RNF150: variants seen among roughly 807,000 people sequenced by gnomAD.
The protein encoded by RNF150 is ring finger protein 150.
In RNF150, 24 loss-of-function variants were observed where a neutral mutation model predicts 39.3. That is an observed-to-expected ratio of 0.61 (90% CI 0.44 to 0.86). The LOEUF (loss-of-function observed/expected upper bound fraction) is 0.86. RNF150 is among the 40% of genes least tolerant of loss of function. The pLI, the probability that RNF150 is intolerant of heterozygous loss-of-function variation, is 0.00. For synonymous variants in RNF150, 255 were observed against 227.3 expected (o/e 1.12, Z -1.10); for missense variants, 502 against 587.8 (o/e 0.85, Z 1.51).
chr4:140,911,289 G>T lies in RNF150; in HGVS notation c.1053C>A (p.Thr351=). ...TGTCGCTGGCACCTGTGATCTGGTT[G>T]GTGGGTGGACCTCCCAGAGAGCCCT... is the stretch of plus-strand genomic sequence containing the variant. ...DFEGSLGGPP[T]NQITGASDTT... The change falls in exon 6 of 7, where the codon ACC becomes ACA. Residue 351 remains threonine (T), a synonymous_variant. Coordinates refer to ENST00000515673, the MANE Select transcript of RNF150 (RefSeq NM_020724.2). The T allele has an allele frequency of 6.2e-7, 1 of 1,614,118 alleles. No homozygotes were observed. The highest frequency in any genetic ancestry group is 8.5e-7 in the Non-Finnish European group (1 of 1,180,014).
intron 1 of RNF150, among the ~76,000 whole-genome samples, chr4:141,050,902 G>A (rs965710654): frequency 3.3e-5 from 5 of 152,142 alleles, no homozygotes; most frequent in African/African-American, 1.2e-4. Context: ...CTCTGTGTGG[G>A]GGCTCCAACC....
At chr4:141,007,295 C>G (rs1734903234) in intron 1 of RNF150, among the ~76,000 whole-genome samples, 1 of 152,174 alleles carries the variant, frequency 6.6e-6, no homozygotes, top group African/African-American at 2.4e-5. Flanking sequence ...TAAGGAATCT[C>G]TGAAAATACT....
intron 1 of RNF150, among the ~76,000 whole-genome samples, chr4:141,189,291 C>T (rs1000290697): frequency 1.3e-5 from 2 of 152,172 alleles, no homozygotes; most frequent in Non-Finnish European, 2.9e-5. Context: ...GAGGGGCACC[C>T]TCCAGAAGCC....
chr4:141,087,374 A>C (rs1738406768), intron 1 of RNF150, among the ~76,000 whole-genome samples: 1 of 152,176 alleles, frequency 6.6e-6, no homozygotes, highest in African/African-American at 2.4e-5. Context: ...TTCCATGTGC[A>C]TATTTTTCTA....
intron 4 of RNF150, among the ~76,000 whole-genome samples, chr4:140,942,042 G>T (rs1472177642): frequency 6.6e-6 from 1 of 152,178 alleles, no homozygotes; most frequent in Non-Finnish European, 1.5e-5. Context: ...CATGTTGGAG[G>T]TTGAGACGTT....
At chr4:141,166,209 A>G (rs928998174) in intron 1 of RNF150, among the ~76,000 whole-genome samples, 1 of 152,212 alleles carries the variant, frequency 6.6e-6, no homozygotes, top group Non-Finnish European at 1.5e-5. Flanking sequence ...GAAGAAATGG[A>G]TAAATTCCTG....
chr4:141,158,109 G>T (rs112819939), intron 1 of RNF150, among the ~76,000 whole-genome samples: 73 of 152,284 alleles, frequency 4.8e-4, no homozygotes, highest in Non-Finnish European at 9.0e-4. Context: ...TGACCAGCAT[G>T]GTGAAACCCC....
At chr4:141,190,634 C>T (rs929413624) in intron 1 of RNF150, among the ~76,000 whole-genome samples, 2 of 152,140 alleles carry the variant, frequency 1.3e-5, no homozygotes, top group African/African-American at 4.8e-5. Context: ...CTCAGTGAAG[C>T]TATGTCTAGG....
At chr4:141,135,376 C>T (rs1727013352), upstream of RNF150, among the ~76,000 whole-genome samples, 2 of 152,196 alleles carry the variant, frequency 1.3e-5, no homozygotes, top group Admixed American at 1.3e-4. Flanking sequence ...AGGGCTGACA[C>T]TGGGAAAGTA....
intron 4 of RNF150, among the ~76,000 whole-genome samples, chr4:140,944,156 G>C (rs1178362148): frequency 6.6e-6 from 1 of 152,156 alleles, no homozygotes; most frequent in Non-Finnish European, 1.5e-5. Flanking sequence ...CTCCGTGCAA[G>C]AGAAGATAAT....
chr4:141,183,425 A>G (rs911224298), intron 1 of RNF150, among the ~76,000 whole-genome samples: 1 of 152,158 alleles, frequency 6.6e-6, no homozygotes, highest in Admixed American at 6.5e-5. Flanking sequence ...TTATTTATGT[A>G]ATTAGGTTAC....
intron 1 of RNF150, among the ~76,000 whole-genome samples, chr4:140,976,269 C>A (rs1016314822): frequency 1.3e-5 from 2 of 152,114 alleles, no homozygotes; most frequent in South Asian, 4.2e-4. Flanking sequence ...TCAAAAGCCA[C>A]TCATCTTTTG....
chr4:140,997,640 G>A (rs1024463641), intron 1 of RNF150, among the ~76,000 whole-genome samples: 24 of 134,180 alleles, frequency 1.8e-4, no homozygotes, highest in Non-Finnish European at 2.5e-4. Context: ...GCTTGAACTC[G>A]GAAGGTGGAG....
chr4:141,008,408 C>T (rs12643749), intron 1 of RNF150, among the ~76,000 whole-genome samples: 21,623 of 152,100 alleles, frequency 0.14, 1,810 homozygotes, highest in East Asian at 0.35. Flanking sequence ...TTTGAATGAA[C>T]ATTTTCAATT....
intron 1 of RNF150, among the ~76,000 whole-genome samples, chr4:141,099,646 T>G (rs1738934111): frequency 6.6e-6 from 1 of 152,180 alleles, no homozygotes; most frequent in Admixed American, 6.5e-5. Flanking sequence ...TTATTTTGAC[T>G]TTTGAGGCAA....
intron 1 of RNF150, among the ~76,000 whole-genome samples, chr4:141,194,502 C>T (rs1728166190): frequency 6.6e-6 from 1 of 152,052 alleles, no homozygotes; most frequent in African/African-American, 2.4e-5. Context: ...ATAATGTCAA[C>T]TTTTAGCATA....
chr4:141,146,160 T>C (rs1219753220), intron 1 of RNF150, among the ~76,000 whole-genome samples: 2 of 152,236 alleles, frequency 1.3e-5, no homozygotes, highest in African/African-American at 4.8e-5. Context: ...GATACATGTT[T>C]AATAAATCAG....
At chr4:140,918,624 C>G (rs1685658478) in intron 5 of RNF150, among the ~76,000 whole-genome samples, 1 of 151,930 alleles carries the variant, frequency 6.6e-6, no homozygotes, top group South Asian at 2.1e-4. Flanking sequence ...GAGCTGGTAC[C>G]ATTCCTTCTG....
intron 6 of RNF150, among the ~76,000 whole-genome samples, chr4:140,880,426 T>A (rs1729328634): frequency 6.6e-6 from 1 of 152,182 alleles, no homozygotes; most frequent in African/African-American, 2.4e-5. Flanking sequence ...GATTTTTGCA[T>A]CAATATTTAT....
Sources: gnomAD v4.1 joint callset for allele counts (sites outside exome capture counted in the v4.1 genomes callset) on GRCh38, gnomAD v4.1.1 for gene constraint, MANE v1.5 for transcripts, NCBI Gene and HGNC (gene_info 2026-07-23, HGNC 2026-07-21) for gene names.